GJA1: variants seen among roughly 807,000 people sequenced by gnomAD.
GJA1 encodes the protein gap junction alpha-1 protein.
GJA1 carries 9 observed loss-of-function variants against 31.0 expected under a neutral mutation model. The ratio of observed to expected loss-of-function variants is 0.29; its 90% CI spans 0.17 to 0.51. GJA1 has a LOEUF of 0.51. GJA1 is among the 20% of genes least tolerant of loss of function. The probability of loss-of-function intolerance (pLI) is 0.98; values close to 1 mark genes in which losing one functional copy is unlikely to be tolerated. For missense variants in GJA1, 278 were observed against 468.8 expected (o/e 0.59, Z 3.76); for synonymous variants, 186 against 180.1 (o/e 1.03, Z -0.26).
At chr6:121,446,305 A>G (rs1773888560) in intron 1 of GJA1, among the ~76,000 whole-genome samples, 1 of 151,878 alleles carries the variant, frequency 6.6e-6, no homozygotes, top group Non-Finnish European at 1.5e-5. Flanking sequence ...TAAAAAAAAA[A>G]TCTTTCAGAG....
chr6:121,439,694 G>C (rs1389549946), intron 1 of GJA1, among the ~76,000 whole-genome samples: 2 of 152,118 alleles, frequency 1.3e-5, no homozygotes, highest in Admixed American at 6.5e-5. Flanking sequence ...ATCTCATTAA[G>C]TGGATGCTAA....
intron 1 of GJA1, among the ~76,000 whole-genome samples, chr6:121,437,355 T>C (rs1354832259): frequency 1.7e-5 from 2 of 117,314 alleles, no homozygotes; most frequent in Non-Finnish European, 3.5e-5. Context: ...ACACCAGCCC[T>C]TTTTTTTTTT....
chr6:121,447,304 C>A lies in GJA1; in HGVS notation c.457C>A (p.Arg153=), dbSNP rs763503078. 6.2e-7 allele frequency: 1 copy of A among 1,613,768 alleles called. No individual in the cohort carries two copies. Among genetic ancestry groups the A allele is most frequent in the African/African-American group, 1.3e-5 (1 of 74,882 alleles). ...GKVKMRGGLL[R]TYIISILFKS... Reference sequence around the variant, plus strand: ...GGTGAAAATGCGAGGGGGGTTGCTGCGAACCTACATCATCAGTATCCTCTT... The same window carrying A: ...GGTGAAAATGCGAGGGGGGTTGCTGAGAACCTACATCATCAGTATCCTCTT... Residue 153 remains arginine, a synonymous_variant, in exon 2 of 2, where the codon CGA becomes AGA. Coordinates refer to ENST00000282561, the MANE Select transcript of GJA1 (RefSeq NM_000165.5).
intron 1 of GJA1, among the ~76,000 whole-genome samples, chr6:121,438,637 G>T (rs1020944774): frequency 6.6e-6 from 1 of 152,126 alleles, no homozygotes; most frequent in Non-Finnish European, 1.5e-5. Flanking sequence ...TTATCTTCAG[G>T]ATTCTCAGTT....
chr6:121,437,833 A>G (rs1562170921), intron 1 of GJA1, among the ~76,000 whole-genome samples: 1 of 152,176 alleles, frequency 6.6e-6, no homozygotes, highest in Non-Finnish European at 1.5e-5. Flanking sequence ...CCAGTTAGTA[A>G]CGACAAGAAA....
chr6:121,438,568 A>ATGATAGGACAGTCAC (rs1416353952), intron 1 of GJA1, among the ~76,000 whole-genome samples: 3 of 152,200 alleles, frequency 2.0e-5, no homozygotes, highest in Non-Finnish European at 4.4e-5. Flanking sequence ...AGGGAAGGGA[A>ATGATAGGACAGTCAC]TGATAGGACA....
At chr6:121,442,349 T>A (rs1048779813) in intron 1 of GJA1, among the ~76,000 whole-genome samples, 1 of 152,208 alleles carries the variant, frequency 6.6e-6, no homozygotes, top group Non-Finnish European at 1.5e-5. Context: ...CATAGTCAAA[T>A]GTAATTTAAA....
chr6:121,436,199 T>G, intron 1 of GJA1, among the ~76,000 whole-genome samples: 1 of 108,426 alleles, frequency 9.2e-6, no homozygotes, highest in Non-Finnish European at 1.9e-5. Flanking sequence ...GGGGGGCGGT[T>G]AGGCGCCTGG....
intron 1 of GJA1, among the ~76,000 whole-genome samples, chr6:121,440,862 C>T (rs1773763240): frequency 6.6e-6 from 1 of 152,110 alleles, no homozygotes; most frequent in Non-Finnish European, 1.5e-5. Flanking sequence ...CTGCCTCAGC[C>T]TCCAGAGTAG....
Position 121,447,949 on chromosome 6 carries a change from A to G in GJA1, c.1102A>G (p.Ser368Gly), listed in dbSNP as rs1443644917. The G allele has an allele frequency of 6.2e-7, 1 of 1,613,836 alleles. No individual in the cohort carries two copies. Among genetic ancestry groups the G allele is most frequent in the Non-Finnish European group, 8.5e-7 (1 of 1,179,898 alleles). The change falls in exon 2 of 2, where the codon AGC (serine) becomes GGC (glycine). Residue 368 changes from serine to glycine, a missense_variant. Ser to Gly is a moderately conservative substitution (Grantham distance 56). Transcript: ENST00000282561. ...GGACCAGCGACCTTCAAGCAGAGCC[A>G]GCAGTCGTGCCAGCAGCAGACCTCG... The part of the protein sequence containing the change: ...IVDQRPSSRA[S>G]SRASSRPRPD...
At chr6:121,440,538 G>A (rs1253840610) in intron 1 of GJA1, among the ~76,000 whole-genome samples, 4 of 151,744 alleles carry the variant, frequency 2.6e-5, no homozygotes, top group Non-Finnish European at 5.9e-5. Context: ...ATGAGATGAT[G>A]ACAATAGTTT....
intron 1 of GJA1, among the ~76,000 whole-genome samples, chr6:121,445,058 C>CT (rs1434102834): frequency 6.6e-6 from 1 of 152,226 alleles, no homozygotes; most frequent in Non-Finnish European, 1.5e-5. Flanking sequence ...CTGAGAACCT[C>CT]TGAGAACCTC....
chr6:121,445,530 T>C (rs1773872522), intron 1 of GJA1, among the ~76,000 whole-genome samples: 1 of 152,184 alleles, frequency 6.6e-6, no homozygotes. Context: ...AAATGGGATG[T>C]ATAGCCTGAG....
chr6:121,447,664 TCAC>T lies in GJA1; in HGVS notation c.820_822del (p.Pro274del). On this transcript the variant is annotated inframe_deletion, in exon 2 of 2. Coordinates refer to ENST00000282561, the MANE Select transcript of GJA1 (RefSeq NM_000165.5). ...ATATGCTTATTTCAATGGCTGCTCC[TCAC>T]CAACCGCTCCCCTCTCGCCTATGTC... is the stretch of plus-strand genomic sequence containing the variant. The T allele has an allele frequency of 6.2e-7, 1 of 1,614,054 alleles. No individual in the cohort carries two copies. The highest frequency in any genetic ancestry group is 1.1e-5 in the South Asian group (1 of 91,076).
Position 121,446,815 on chromosome 6 carries a change from CTCTTTGTT to C in GJA1, c.-16-11_-16-4del, listed in dbSNP as rs779425310. On this transcript the variant is annotated splice_polypyrimidine_tract_variant and intron_variant, in intron 1 of 1. Transcript: ENST00000282561. ...TTGCAATCTGTGATCCTTGAATTGTCTCTTTGTTTCTTTCAGGTGGTGCCCAGGCAACA... is the reference window on the plus strand; with the variant it reads ...TTGCAATCTGTGATCCTTGAATTGTCTCTTTCAGGTGGTGCCCAGGCAACA... 1.5e-4 allele frequency: 219 copies of C among 1,503,244 alleles called. No homozygotes were observed. The highest frequency in any genetic ancestry group is 1.9e-4 in the Non-Finnish European group (210 of 1,078,636). 93.1% of individuals were successfully genotyped at this position (1,503,244 alleles called of 1,614,324 possible).
intron 1 of GJA1, among the ~76,000 whole-genome samples, chr6:121,437,448 T>C (rs962036071): frequency 2.6e-5 from 4 of 151,850 alleles, no homozygotes; most frequent in Admixed American, 6.6e-5. Flanking sequence ...GGAATTGTGC[T>C]TAAATTGCAC....
chr6:121,439,617 G>A (rs1773730302), intron 1 of GJA1, among the ~76,000 whole-genome samples: 1 of 152,136 alleles, frequency 6.6e-6, no homozygotes, highest in South Asian at 2.1e-4. Flanking sequence ...CTAGGGAGAG[G>A]ATTGTCTTTT....
In GJA1 at chr6:121,438,639, T is replaced by G. The variant is rs118151014; in HGVS notation, c.-17+2807T>G. Among the ~76,000 whole-genome samples, 80 of 152,332 alleles carry G rather than the reference T, an allele frequency of 5.3e-4. No individual in the cohort carries two copies. The East Asian group carries it at 0.015, about 28-fold the overall frequency. On this transcript the variant is annotated intron_variant, in intron 1 of 1. Transcript: ENST00000282561. ...CTGTTGTTCTGACTTATCTTCAGGA[T>G]TCTCAGTTATTTGAAGAGATGTGTG...
intron 1 of GJA1, among the ~76,000 whole-genome samples, chr6:121,442,297 G>C (rs1335227304): frequency 1.3e-5 from 2 of 152,218 alleles, no homozygotes; most frequent in African/African-American, 4.8e-5. Flanking sequence ...TAATGGCATG[G>C]AAAGACTTGA....
Sources: gnomAD v4.1 joint callset for allele counts (sites outside exome capture counted in the v4.1 genomes callset) on GRCh38, gnomAD v4.1.1 for gene constraint, MANE v1.5 for transcripts, NCBI Gene and HGNC (gene_info 2026-07-23, HGNC 2026-07-21) for gene names.